DIP2A: variants seen among roughly 807,000 people sequenced by gnomAD.
DIP2A encodes the protein DIP2 acetate--CoA ligase A, also known as disco-interacting protein 2 homolog A.
DIP2A carries 85 observed loss-of-function variants against 177.4 expected under a neutral mutation model. That is an observed-to-expected ratio of 0.48 (90% CI 0.40 to 0.57). The LOEUF (loss-of-function observed/expected upper bound fraction) is 0.57, where lower values mean the gene tolerates loss of function less well. Among genes scored for constraint, DIP2A ranks in the 20% least tolerant of loss-of-function variants. The pLI is 0.00. For synonymous variants in DIP2A, 886 were observed against 881.8 expected (o/e 1.00, Z -0.08); for missense variants, 1,791 against 2,100.2 (o/e 0.85, Z 2.88).
At chr21:46,492,227 C>T (rs989544174) in intron 3 of DIP2A, among the ~76,000 whole-genome samples, 1 of 152,130 alleles carries the variant, frequency 6.6e-6, no homozygotes, top group African/African-American at 2.4e-5. Context: ...GTCAGCTGTT[C>T]CTGGGCCATT....
chr21:46,538,589 T>C lies in DIP2A; in HGVS notation c.1908T>C (p.Asp636=). Residue 636 remains aspartate (D), a synonymous_variant, in exon 16 of 38, where the codon GAT becomes GAC. Transcript: ENST00000417564. ...CACTGCGCATGCTGATTGTGGCCGA[T>C]GGTGCCAACCCGTGTGAGTGAGCCT... ...LSSLRMLIVA[D]GANPWSISSC... is the part of the protein sequence containing the mutation. The C allele has an allele frequency of 6.4e-7, 1 of 1,554,866 alleles. No homozygotes were observed.
rs1338860934 is a variant in DIP2A at position 46,534,695 on chromosome 21, C to T, written c.1642+8C>T. 5 of 1,603,828 alleles carry T rather than the reference C, an allele frequency of 3.1e-6. No individual in the cohort carries two copies. The South Asian group carries it at 3.3e-5, about 11-fold the overall frequency. ...CGTGCGGGTACTCAGAAGGTAAGGG[C>T]TCTCGGGGGTGGGGCGGTGGCCCCT... On this transcript the variant is annotated splice_region_variant and intron_variant, in intron 13 of 37. Coordinates refer to ENST00000417564, the MANE Select transcript of DIP2A (RefSeq NM_015151.4).
chr21:46,526,954 T>C (rs984346850), intron 8 of DIP2A, among the ~76,000 whole-genome samples: 3 of 152,238 alleles, frequency 2.0e-5, no homozygotes, highest in African/African-American at 4.8e-5. Context: ...CCATTAATTA[T>C]GATATTTCCT....
chr21:46,484,953 T>C, intron 2 of DIP2A, 125 bp downstream of exon 2: 1 of 825,954 alleles, frequency 1.2e-6, no homozygotes, highest in Non-Finnish European at 1.8e-6. Flanking sequence ...CTGGTATATG[T>C]TGATTATTGA....
rs370202810 is a variant in DIP2A, at chr21:46,551,687, G to A, written c.2893G>A (p.Ala965Thr). Reference sequence around the variant, plus strand: ...GAACCTGGTTGCTGGGAAGAGAATCGCTCAGGCTTCCGGGAGAGAGCTCGC... The same window carrying A: ...GAACCTGGTTGCTGGGAAGAGAATCACTCAGGCTTCCGGGAGAGAGCTCGC... ...VGNLVAGKRI[A>T]QASGRELAHL... is the part of the protein sequence containing the mutation. The change falls in exon 24 of 38, where the codon GCT becomes ACT. Residue 965 changes from alanine (A) to threonine (T), a missense_variant. Coordinates refer to ENST00000417564, the MANE Select transcript of DIP2A (RefSeq NM_015151.4). 1.7e-5 allele frequency: 28 copies of A among 1,613,884 alleles called. No individual in the cohort carries two copies. The highest frequency in any genetic ancestry group is 2.7e-5 in the African/African-American group (2 of 74,918).
chr21:46,526,397 CTTT>C (rs1357295827), intron 8 of DIP2A, among the ~76,000 whole-genome samples: 4 of 138,918 alleles, frequency 2.9e-5, no homozygotes, highest in Admixed American at 7.2e-5. Context: ...ACGTTCATTC[CTTT>C]TTTTTTTTTT....
At chr21:46,546,162 C>T (rs1346962784) in intron 20 of DIP2A, 2 of 1,382,828 alleles carry the variant, frequency 1.4e-6, no homozygotes. Context: ...CACAGTCCTG[C>T]ACACAGGCCT....
Position 46,535,646 on chromosome 21 carries a change from A to C in DIP2A, c.1642+959A>C, listed in dbSNP as rs74689379. On this transcript the variant is annotated intron_variant, in intron 13 of 37. Transcript: ENST00000417564. ...AGGGTATAAGTTGAGGGCACAGCTA[A>C]AGCTTTTACTTGAGATTTGGAAAGT... 1.9e-3 allele frequency among the ~76,000 whole-genome samples: 288 copies of C among 152,334 alleles called. 7 individuals are homozygous for C. The East Asian group carries it at 0.045, about 24-fold the overall frequency.
At chr21:46,477,838 C>T (rs994775037) in intron 1 of DIP2A, among the ~76,000 whole-genome samples, 3 of 151,948 alleles carry the variant, frequency 2.0e-5, no homozygotes, top group Admixed American at 6.6e-5. Context: ...CCTGCCTTGG[C>T]CTCCCAAAGT....
At chr21:46,483,254 A>G (rs2056468210) in intron 1 of DIP2A, among the ~76,000 whole-genome samples, 1 of 152,214 alleles carries the variant, frequency 6.6e-6, no homozygotes, top group Non-Finnish European at 1.5e-5. Flanking sequence ...TCTGCAGAAT[A>G]TATTCTAAAA....
chr21:46,524,035 A>G (rs2058951615), intron 8 of DIP2A, among the ~76,000 whole-genome samples: 1 of 152,202 alleles, frequency 6.6e-6, no homozygotes, highest in Non-Finnish European at 1.5e-5. Context: ...GCTTGTCAGT[A>G]ATGAAGGGAT....
At chr21:46,480,862 G>A (rs998316151) in intron 1 of DIP2A, among the ~76,000 whole-genome samples, 3 of 152,158 alleles carry the variant, frequency 2.0e-5, no homozygotes, top group Non-Finnish European at 4.4e-5. Context: ...ATTGTGTCAT[G>A]CCCTGTTGGG....
At chr21:46,495,753 G>A (rs937120514) in intron 3 of DIP2A, among the ~76,000 whole-genome samples, 5 of 152,000 alleles carry the variant, frequency 3.3e-5, no homozygotes, top group East Asian at 3.9e-4. Context: ...GACCACAGGC[G>A]CATGCCACTG....
intron 7 of DIP2A, 149 bp downstream of exon 7, chr21:46,509,525 T>C: frequency 1.0e-6 from 1 of 1,000,098 alleles, no homozygotes; most frequent in African/African-American, 1.7e-5. Flanking sequence ...ATGGTGAATT[T>C]AGAATCACAT....
chr21:46,554,117 A>G (rs2060368722), intron 25 of DIP2A, 52 bp from the exon 26 acceptor site: 1 of 1,578,604 alleles, frequency 6.3e-7, no homozygotes, highest in Middle Eastern at 1.7e-4. Context: ...ATCTGCGAAC[A>G]GCCCACCTGC....
At chr21:46,547,094 C>T (rs778483781) in intron 21 of DIP2A, 52 bp downstream of exon 21, 60 of 1,593,472 alleles carry the variant, frequency 3.8e-5, no homozygotes, top group Admixed American at 1.7e-4. Flanking sequence ...ATTTGCAGCT[C>T]GGGAAGTCTT....
intron 35 of DIP2A, among the ~76,000 whole-genome samples, chr21:46,565,246 G>A (rs970440762): frequency 6.6e-6 from 1 of 152,232 alleles, no homozygotes; most frequent in African/African-American, 2.4e-5. Context: ...GCACACACAC[G>A]CGCGTGGGGC....
intron 7 of DIP2A, among the ~76,000 whole-genome samples, chr21:46,510,937 A>G (rs2058280964): frequency 6.6e-6 from 1 of 151,640 alleles, no homozygotes; most frequent in Non-Finnish European, 1.5e-5. Flanking sequence ...CCAGCCTATA[A>G]TCAAATAATC....
the DIP2A span, among the ~76,000 whole-genome samples, chr21:46,575,452 C>T: frequency 6.6e-6 from 1 of 152,088 alleles, no homozygotes; most frequent in African/African-American, 2.4e-5. Flanking sequence ...AAAAAGGATT[C>T]TAAATTGGAA....
Sources: gnomAD v4.1 joint callset for allele counts (sites outside exome capture counted in the v4.1 genomes callset) on GRCh38, gnomAD v4.1.1 for gene constraint, MANE v1.5 for transcripts, NCBI Gene and HGNC (gene_info 2026-07-23, HGNC 2026-07-21) for gene names.